The following DENND2D variants were observed in gnomAD, a reference collection of about 807,000 sequenced individuals.
DENND2D encodes the protein DENN domain containing 2D, also known as DENN domain-containing protein 2D.
DENND2D carries 37 observed loss-of-function variants against 59.8 expected under a neutral mutation model. That is an observed-to-expected ratio of 0.62 (90% CI 0.48 to 0.81). DENND2D has a LOEUF of 0.81. DENND2D is among the 40% of genes least tolerant of loss of function. DENND2D has a pLI of 0.00. For missense variants in DENND2D, 525 were observed against 579.7 expected (o/e 0.91, Z 0.97); for synonymous variants, 219 against 211.3 (o/e 1.04, Z -0.31).
Position 111,188,767 on chromosome 1 carries a change from A to G in DENND2D, c.1034T>C (p.Ile345Thr), listed in dbSNP as rs1403026331. 1.2e-6 allele frequency: 2 copies of G among 1,614,066 alleles called. No homozygotes were observed. Among genetic ancestry groups the G allele is most frequent in the African/African-American group, 2.7e-5 (2 of 75,008 alleles). The change falls in exon 10 of 12, where the codon ATC becomes ACC. Residue 345 changes from isoleucine to threonine, a missense_variant. By Grantham distance (89) the Ile-to-Thr change is moderately conservative. Transcript: ENST00000357640. ...FLMSVGDEKD[I>T]LPPKLQDDIL... Reference sequence around the variant, plus strand: ...GTCATCCTGAAGCTTCGGTGGCAGGATGTCTTTTTCATCACCAACCTAGAA... The same window carrying G: ...GTCATCCTGAAGCTTCGGTGGCAGGGTGTCTTTTTCATCACCAACCTAGAA...
intron 4 of DENND2D, chr1:111,197,633 C>T: frequency 2.9e-6 from 4 of 1,358,918 alleles, no homozygotes; most frequent in Non-Finnish European, 3.8e-6. Flanking sequence ...CTCCAGGGGC[C>T]AAGGTAAGCA....
intron 8 of DENND2D, among the ~76,000 whole-genome samples, chr1:111,189,838 C>G (rs1160618524): frequency 6.6e-6 from 1 of 152,108 alleles, no homozygotes; most frequent in South Asian, 2.1e-4. Flanking sequence ...TTATTTTTTT[C>G]ATGCTTGCAA....
At chr1:111,188,854 G>A in intron 9 of DENND2D, 68 bp from the exon 10 acceptor site, 2 of 1,362,308 alleles carry the variant, frequency 1.5e-6, no homozygotes, top group South Asian at 2.4e-5. Context: ...TGGCAGAAAA[G>A]CATAAGGAGG....
At position 111,197,581 on chromosome 1, in the gene DENND2D, T is replaced by G. The variant is rs1571194332; in HGVS notation, c.427-328A>C. 2.2e-6 allele frequency: 3 copies of G among 1,350,630 alleles called. No individual in the cohort carries two copies. In the East Asian group the frequency reaches 8.7e-5, roughly 39 times the overall value. The allele number at this position is 1,350,630 out of a possible 1,614,324, so 83.7% of individuals were successfully genotyped here. On this transcript the variant is annotated intron_variant, in intron 4 of 11. Transcript: ENST00000357640. ...TGGGGAATCCTCCTGAGACCTAAGA[T>G]TTGAAACTAATTGTCCAAGTCCCAG...
intron 4 of DENND2D, chr1:111,197,537 A>C: frequency 7.3e-7 from 1 of 1,379,272 alleles, no homozygotes; most frequent in South Asian, 1.6e-5. Flanking sequence ...CTAAGGAGGA[A>C]AGCACTGTAA....
rs1049711669 is a variant in DENND2D at position 111,200,282 on chromosome 1, A to C, written c.67+111T>G. On this transcript the variant is annotated intron_variant, in intron 1 of 11. Coordinates refer to ENST00000357640, the MANE Select transcript of DENND2D (RefSeq NM_024901.5). Reference sequence around the variant, plus strand: ...TCCTGACCCAGTCACATGGGGAACCATGTGGAGGCCGAGATATAAAGGAAG... The same window carrying C: ...TCCTGACCCAGTCACATGGGGAACCCTGTGGAGGCCGAGATATAAAGGAAG... 9.0e-6 allele frequency: 13 copies of C among 1,438,996 alleles called. No homozygotes were observed. In the African/African-American group the frequency reaches 9.9e-5, roughly 11 times the overall value. The allele number at this position is 1,438,996 out of a possible 1,614,324, so 89.1% of individuals were successfully genotyped here.
chr1:111,197,810 C>A lies in DENND2D; in HGVS notation c.426+110G>T, dbSNP rs112079109. The A allele has an allele frequency of 6.5e-6, 10 of 1,543,184 alleles. No individual in the cohort carries two copies. The East Asian group carries it at 1.2e-4, about 18-fold the overall frequency. ...CAGGTCCTGGGCTGTGCTTTTTCTA[C>A]AACCAGTGCTGCCAATAAGCCCGGA... On this transcript the variant is annotated intron_variant, in intron 4 of 11. Coordinates refer to ENST00000357640, the MANE Select transcript of DENND2D (RefSeq NM_024901.5).
In DENND2D at chr1:111,198,742, G is replaced by T. The variant is rs762577834; in HGVS notation, c.244C>A (p.Arg82=). The part of the protein sequence containing the change: ...EPIITYQFPK[R]ENLLRGQQEE... ...TGCTGACCCCGAAGCAGGTTCTCCC[G>T]CTATAAGGCAAAGGAAAAGACAAGT... is the stretch of plus-strand genomic sequence containing the variant. The change falls in exon 3 of 12, where the codon CGG becomes AGG. Residue 82 remains arginine, a splice_region_variant and synonymous_variant. Coordinates refer to ENST00000357640, the MANE Select transcript of DENND2D (RefSeq NM_024901.5). The T allele has an allele frequency of 6.2e-7, 1 of 1,614,016 alleles. No homozygotes were observed. Among genetic ancestry groups the T allele is most frequent in the East Asian group, 2.2e-5 (1 of 44,880 alleles).
Position 111,187,280 on chromosome 1 carries a change from T to C in DENND2D, c.*325A>G, listed in dbSNP as rs1039468250. 6 of 298,958 alleles carry C rather than the reference T, an allele frequency of 2.0e-5. No individual in the cohort carries two copies. Among genetic ancestry groups the C allele is most frequent in the Admixed American group, 8.7e-5 (2 of 23,040 alleles). 18.5% of individuals were successfully genotyped at this position (298,958 alleles called of 1,614,324 possible). A position where few individuals can be genotyped will look rare whatever the true frequency, so the allele number is the denominator to read the frequency against. On this transcript the variant is annotated 3_prime_UTR_variant, in exon 12 of 12. Coordinates refer to ENST00000357640, the MANE Select transcript of DENND2D (RefSeq NM_024901.5). ...AGTGTGTTCTGTGTTGAAGATGTTA[T>C]AATGATGGGAGAGGGCAGTTGCAGC... is the stretch of plus-strand genomic sequence containing the variant.
chr1:111,188,823 G>T lies in DENND2D; in HGVS notation c.1015-37C>A, dbSNP rs530496154. 5.7e-6 allele frequency: 9 copies of T among 1,580,424 alleles called. No individual in the cohort carries two copies. In the Admixed American group the frequency reaches 1.2e-4, roughly 21 times the overall value. ...CAGAGCTCCGAGGTCAAGCAGGAAG[G>T]AAGTGTGGAGTGAAGGTGGTTGGCA... On this transcript the variant is annotated intron_variant, in intron 9 of 11. Coordinates refer to ENST00000357640, the MANE Select transcript of DENND2D (RefSeq NM_024901.5).
At position 111,187,351 on chromosome 1, in the gene DENND2D, CTG is replaced by C; in HGVS notation, c.*252_*253del. 3 of 495,096 alleles carry C rather than the reference CTG, an allele frequency of 6.1e-6. No individual in the cohort carries two copies. Among genetic ancestry groups the C allele is most frequent in the South Asian group, 4.9e-5 (2 of 40,958 alleles). The allele number at this position is 495,096 out of a possible 1,614,324, so 30.7% of individuals were successfully genotyped here. A position where few individuals can be genotyped will look rare whatever the true frequency, so the allele number is the denominator to read the frequency against. On this transcript the variant is annotated 3_prime_UTR_variant, in exon 12 of 12. Transcript: ENST00000357640. ...CAACACATGTACTACTGTTTCCTAC[CTG>C]TGTCACCTCTGCAAAAAATGGAGCT...
rs1482706094 is a variant in DENND2D, at chr1:111,200,433, C to T, written c.27G>A (p.Val9=). 6.2e-7 allele frequency: 1 copy of T among 1,612,194 alleles called. No homozygotes were observed. The highest frequency in any genetic ancestry group is 1.3e-5 in the African/African-American group (1 of 74,866). Residue 9 remains valine, a synonymous_variant, in exon 1 of 12, where the codon GTG becomes GTA. Coordinates refer to ENST00000357640, the MANE Select transcript of DENND2D (RefSeq NM_024901.5). MEGQVVGR[V]FRLFQRRLLQ... ...GCAGTCGGCGTTGGAAGAGCCTGAA[C>T]ACCCGGCCTACCACTTGTCCTTCCA...
rs1365068867 is a variant in DENND2D at position 111,188,260 on chromosome 1, A to C, written c.1210T>G (p.Phe404Val). The change falls in exon 11 of 12, where the codon TTC (phenylalanine) becomes GTC (valine). Residue 404 changes from phenylalanine (F) to valine (V), a missense_variant. Physicochemically the swap from Phe to Val is conservative, Grantham distance 50. This residue lies in a region of DENND2D where 225 missense variants were observed against 252.4 expected (regional missense o/e 0.89). Coordinates refer to ENST00000357640, the MANE Select transcript of DENND2D (RefSeq NM_024901.5). ...IKREANGQGH[F>V]QERSFCKALT... ...GCCTTACAGAAGGATCTTTCTTGGA[A>C]GTGGCCTTGCCCATTTGCCTCCCGC... is the stretch of plus-strand genomic sequence containing the variant. The C allele has an allele frequency of 6.2e-7, 1 of 1,614,180 alleles. No individual in the cohort carries two copies. Among genetic ancestry groups the C allele is most frequent in the Non-Finnish European group, 8.5e-7 (1 of 1,180,018 alleles).
intron 11 of DENND2D, 31 bp downstream of exon 11, chr1:111,188,100 G>A (rs780269716): frequency 1.9e-6 from 3 of 1,612,450 alleles, no homozygotes; most frequent in Non-Finnish European, 2.5e-6. Flanking sequence ...AACCCTCTAT[G>A]GGCTTAGACT....
intron 1 of DENND2D, chr1:111,200,039 C>A: frequency 1.7e-6 from 1 of 602,998 alleles, no homozygotes; most frequent in Non-Finnish European, 2.9e-6. Flanking sequence ...GACACAGAAG[C>A]CACGGAAATG....
intron 3 of DENND2D, 35 bp from the exon 4 acceptor site, chr1:111,198,024 C>T (rs754627858): frequency 1.2e-6 from 2 of 1,603,736 alleles, no homozygotes; most frequent in Admixed American, 3.4e-5. Context: ...ATTTGTATTG[C>T]TCACTGAATC....
At chr1:111,189,133 T>G in intron 9 of DENND2D, 79 bp downstream of exon 9, 1 of 1,513,998 alleles carries the variant, frequency 6.6e-7, no homozygotes, top group Non-Finnish European at 9.1e-7. Context: ...AATGTTTGTT[T>G]AAATAAGTGG....
Position 111,186,660 on chromosome 1 carries a change from T to C in DENND2D, c.*945A>G, listed in dbSNP as rs1657266329. On this transcript the variant is annotated 3_prime_UTR_variant, in exon 12 of 12. Coordinates refer to ENST00000357640, the MANE Select transcript of DENND2D (RefSeq NM_024901.5). ...GACTCTTAAAATTACGATTCTTTTC[T>C]CAAAGGGGAAGAACGTCAGTGCAGC... Among the ~76,000 whole-genome samples the C allele has an allele frequency of 1.3e-5, 2 of 152,190 alleles. No homozygotes were observed. The highest frequency in any genetic ancestry group is 2.1e-4 in the South Asian group (1 of 4,830).
At chr1:111,200,188 G>T (rs2101507050) in intron 1 of DENND2D, 4 of 639,648 alleles carry the variant, frequency 6.3e-6, no homozygotes, top group Non-Finnish European at 1.1e-5. Context: ...GGCTCAAAGG[G>T]CATGTGACTG....
Sources: allele counts gnomAD v4.1 joint callset (sites outside exome capture counted in the v4.1 genomes callset), GRCh38; gene constraint gnomAD v4.1.1; regional missense constraint gnomAD v4.1.1; transcripts MANE v1.5; gene names NCBI Gene and HGNC (gene_info 2026-07-23, HGNC 2026-07-21).